DDX46: variants seen among roughly 807,000 people sequenced by gnomAD.
The protein encoded by DDX46 is probable ATP-dependent RNA helicase DDX46.
Under a neutral mutation model 134.9 loss-of-function variants are expected in DDX46, and 30 were observed. The ratio of observed to expected loss-of-function variants is 0.22; its 90% confidence interval spans 0.17 to 0.30. The LOEUF is 0.30. DDX46 is among the 10% of genes least tolerant of loss of function. DDX46 has a pLI of 1.00. For missense variants in DDX46, 622 were observed against 1,248.7 expected, an observed-to-expected ratio of 0.50 and a Z score of 7.56; for synonymous variants, 415 against 404.1, an observed-to-expected ratio of 1.03 and a Z score of -0.32.
intron 6 of DDX46, among the ~76,000 whole-genome samples, chr5:134,779,603 A>G (rs527656605): frequency 1.3e-5 from 2 of 152,210 alleles, no homozygotes; most frequent in South Asian, 4.1e-4. Context: ...GGCTGAAGCA[A>G]TCGTTCTGCT....
chr5:134,806,854 T>C (rs1755003203), intron 15 of DDX46, among the ~76,000 whole-genome samples: 1 of 152,178 alleles, frequency 6.6e-6, no homozygotes, highest in African/African-American at 2.4e-5. Context: ...CATGTCGTAA[T>C]AGAACTTTAT....
In DDX46 at chr5:134,775,311, C is replaced by T. The variant is rs189451670; in HGVS notation, c.613+1450C>T. On this transcript the variant is annotated intron_variant, in intron 5 of 22. Coordinates refer to ENST00000452510, the MANE Select transcript of DDX46 (RefSeq NM_001300860.2). ...TCCCTTCACATCTGATTTTGACTTT[C>T]GAGATTTTAGTAAAGTAGGAGATTG... 1.8e-3 allele frequency among the ~76,000 whole-genome samples: 275 copies of T among 152,196 alleles called. 2 individuals are homozygous for T. The highest frequency in any genetic ancestry group is 6.2e-3 in the African/African-American group (258 of 41,526).
chr5:134,772,705 C>T (rs562817477), intron 4 of DDX46, among the ~76,000 whole-genome samples: 1 of 152,234 alleles, frequency 6.6e-6, no homozygotes, highest in Admixed American at 6.5e-5. Flanking sequence ...GGGGTTTCCC[C>T]CTGTTGGCCA....
chr5:134,786,032 A>C (rs1754323097), intron 11 of DDX46, among the ~76,000 whole-genome samples: 1 of 152,066 alleles, frequency 6.6e-6, no homozygotes, highest in Admixed American at 6.6e-5. Context: ...TATTTTTAGT[A>C]GAGACGGGGT....
chr5:134,818,823 A>G (rs1356000440), intron 20 of DDX46, 37 bp from the exon 21 acceptor site: 1 of 1,591,264 alleles, frequency 6.3e-7, no homozygotes, highest in Non-Finnish European at 8.5e-7. Flanking sequence ...TTGTCCTGTT[A>G]TGAAGTGATT....
intron 15 of DDX46, among the ~76,000 whole-genome samples, chr5:134,798,446 A>G (rs552677264): frequency 1.3e-5 from 2 of 151,110 alleles, no homozygotes; most frequent in African/African-American, 2.4e-5. Flanking sequence ...CAGATAATCC[A>G]CTTGCCTTGG....
intron 5 of DDX46, among the ~76,000 whole-genome samples, chr5:134,776,951 G>A (rs1211829170): frequency 3.4e-5 from 5 of 148,542 alleles, no homozygotes; most frequent in African/African-American, 7.4e-5. Context: ...GGTGGCTCAC[G>A]CCTGTAATCC....
chr5:134,785,092 C>T (rs1239766859), intron 10 of DDX46, among the ~76,000 whole-genome samples: 2 of 152,108 alleles, frequency 1.3e-5, no homozygotes, highest in East Asian at 1.9e-4. Flanking sequence ...TGTCTGTGCC[C>T]CTCAGACCAA....
At chr5:134,826,383 G>C (rs138369345) in intron 21 of DDX46, 1 of 152,112 alleles carries the variant, frequency 6.6e-6, no homozygotes, top group Non-Finnish European at 1.5e-5. Flanking sequence ...TTCCAACCAC[G>C]CTACGCTTCT....
chr5:134,812,720 C>T (rs1755180594), intron 18 of DDX46, among the ~76,000 whole-genome samples: 1 of 152,118 alleles, frequency 6.6e-6, no homozygotes, highest in African/African-American at 2.4e-5. Flanking sequence ...CAACTGCAAC[C>T]TCTGCCTCCT....
chr5:134,774,621 A>G (rs1315449063), intron 5 of DDX46, among the ~76,000 whole-genome samples: 1 of 152,218 alleles, frequency 6.6e-6, no homozygotes, highest in African/African-American at 2.4e-5. Flanking sequence ...GTTCTTTAAT[A>G]TATTATACCA....
In DDX46 at chr5:134,797,191, A is replaced by AC. The variant is rs768000951; in HGVS notation, c.1954+1041_1954+1042insC. The AC allele has an allele frequency of 1.3e-3, 382 of 290,392 alleles. 3 individuals carry two copies. The highest frequency in any genetic ancestry group is 1.9e-3 in the Non-Finnish European group (284 of 152,816). The allele number at this position is 290,392 out of a possible 1,614,324, so 18.0% of individuals were successfully genotyped here. A position where few individuals can be genotyped will look rare whatever the true frequency, so the allele number is the denominator to read the frequency against. On this transcript the variant is annotated intron_variant, in intron 15 of 22. Coordinates refer to ENST00000452510, the MANE Select transcript of DDX46 (RefSeq NM_001300860.2). Reference sequence around the variant, plus strand: ...TCAAAAAAAAAAAAAAAAAAAAAAAAAAAAAACACAAAACACATGGAACAG... The same window carrying AC: ...TCAAAAAAAAAAAAAAAAAAAAAAAACAAAAAACACAAAACACATGGAACAG...
At chr5:134,825,162 T>G (rs1248186327) in intron 21 of DDX46, among the ~76,000 whole-genome samples, 1 of 152,204 alleles carries the variant, frequency 6.6e-6, no homozygotes, top group Non-Finnish European at 1.5e-5. Flanking sequence ...GAGTGTCATT[T>G]TCCTTCTTTT....
At chr5:134,775,684 G>A (rs1034779567) in intron 5 of DDX46, among the ~76,000 whole-genome samples, 23 of 152,002 alleles carry the variant, frequency 1.5e-4, no homozygotes, top group African/African-American at 5.6e-4. Context: ...AGTAGAGATG[G>A]GGTTTCACTA....
intron 12 of DDX46, chr5:134,790,151 A>G (rs969317989): frequency 2.0e-6 from 1 of 500,934 alleles, no homozygotes; most frequent in African/African-American, 1.9e-5. Flanking sequence ...GCTTCATCTC[A>G]GTCTTAGTTT....
At position 134,782,028 on chromosome 5, in the gene DDX46, G is replaced by A. The variant is rs374693411; in HGVS notation, c.987G>A (p.Glu329=). The change falls in exon 8 of 23, where the codon GAG becomes GAA. Residue 329 remains glutamate, a synonymous_variant. Coordinates refer to ENST00000452510, the MANE Select transcript of DDX46 (RefSeq NM_001300860.2). ...EPVDHGKIEY[E]PFRKNFYVEV... is the part of the protein sequence containing the mutation. ...TTGATCATGGAAAAATTGAGTATGA[G>A]CCATTTAGGAAAAACTTCTATGTTG... The A allele has an allele frequency of 4.4e-5, 70 of 1,602,642 alleles. No homozygotes were observed. The African/African-American group carries it at 5.3e-4, about 12-fold the overall frequency.
At chr5:134,796,267 GT>G in intron 15 of DDX46, 117 bp downstream of exon 15, 1 of 1,104,052 alleles carries the variant, frequency 9.1e-7, no homozygotes, top group South Asian at 1.5e-5. Context: ...TTTTATGTCA[GT>G]TTTTACTCTA....
chr5:134,774,419 T>C (rs979613566), intron 5 of DDX46, among the ~76,000 whole-genome samples: 1 of 152,234 alleles, frequency 6.6e-6, no homozygotes, highest in Non-Finnish European at 1.5e-5. Context: ...CCTGTGACCA[T>C]TGGTGTATAA....
chr5:134,810,304 A>G (rs945523062), intron 16 of DDX46, among the ~76,000 whole-genome samples: 4 of 151,248 alleles, frequency 2.6e-5, no homozygotes, highest in African/African-American at 9.7e-5. Context: ...AAAAGGTATG[A>G]CCACACAATT....
Sources: gnomAD v4.1 joint callset for allele counts (sites outside exome capture counted in the v4.1 genomes callset) on GRCh38, gnomAD v4.1.1 for gene constraint, MANE v1.5 for transcripts, NCBI Gene and HGNC (gene_info 2026-07-23, HGNC 2026-07-21) for gene names.